TNS1: variants seen among roughly 807,000 people sequenced by gnomAD.
TNS1 encodes tensin-1.
In TNS1, 62 loss-of-function variants were observed where a neutral mutation model predicts 168.6. The observed-to-expected ratio is 0.37, with a 90% CI of 0.30 to 0.45. TNS1 has a LOEUF of 0.45. Ranked by LOEUF, TNS1 falls within the 20% of genes least tolerant of loss-of-function variation. The pLI is 1.00. For synonymous variants in TNS1, 934 were observed against 933.2 expected (o/e 1.00, Z -0.02); for missense variants, 2,240 against 2,339.4 (o/e 0.96, Z 0.88).
chr2:217,883,153 T>C (rs1950845247), intron 16 of TNS1, among the ~76,000 whole-genome samples: 1 of 152,202 alleles, frequency 6.6e-6, no homozygotes, highest in African/African-American at 2.4e-5. Context: ...AATAATTTGG[T>C]TCACTTATAC....
At chr2:217,984,554 C>T (rs1046567898) in intron 2 of TNS1, among the ~76,000 whole-genome samples, 2 of 152,194 alleles carry the variant, frequency 1.3e-5, no homozygotes, top group Admixed American at 6.5e-5. Context: ...GTCGTGTGCT[C>T]ATAGCTCACT....
In TNS1 at chr2:218,033,574, G is replaced by A. The variant is rs1209944680; in HGVS notation, c.156+246C>T. ...ACCCAACCTATTTGCCCTTCTAGGG[G>A]TCAGGTCCTATATCACCCTCCTCCC... On this transcript the variant is annotated intron_variant, in intron 1 of 1. Coordinates refer to the TNS1 transcript ENST00000649572. This position sits in a 1 kb window ranked among gnomAD's most constrained non-coding sequence, Gnocchi z 4.3. Among the ~76,000 whole-genome samples the A allele has an allele frequency of 6.6e-6, 1 of 152,102 alleles. No individual in the cohort carries two copies. The highest frequency in any genetic ancestry group is 1.5e-5 in the Non-Finnish European group (1 of 68,020).
Position 217,813,401 on chromosome 2 carries a change from G to T in TNS1, c.4862-94C>A. On this transcript the variant is annotated intron_variant, in intron 26 of 32. Coordinates refer to ENST00000682258, the MANE Select transcript of TNS1 (RefSeq NM_001387777.1). This position sits in a 1 kb window ranked among gnomAD's most constrained non-coding sequence, Gnocchi z 4.0. ...GCTTCAAAACTTCCGCAGTGTGCGG[G>T]GCCAAGATGGGAGAAATGACTGAAG... is the stretch of plus-strand genomic sequence containing the variant. 9.0e-7 allele frequency: 1 copy of T among 1,108,782 alleles called. No homozygotes were observed. The highest frequency in any genetic ancestry group is 1.3e-6 in the Non-Finnish European group (1 of 749,280). The allele number at this position is 1,108,782 out of a possible 1,614,324, so 68.7% of individuals were successfully genotyped here.
chr2:218,002,155 A>G (rs763858462), intron 1 of TNS1, among the ~76,000 whole-genome samples: 23 of 152,052 alleles, frequency 1.5e-4, no homozygotes, highest in Non-Finnish European at 2.5e-4. Flanking sequence ...CGTGGCCCCC[A>G]GGCCTCTCTG....
chr2:217,883,512 G>A (rs1226891880), intron 16 of TNS1, among the ~76,000 whole-genome samples: 5 of 151,984 alleles, frequency 3.3e-5, no homozygotes, highest in East Asian at 1.9e-4. Flanking sequence ...CAATCCTCCC[G>A]CCTTGGCCTC....
At chr2:217,901,251 C>T (rs2125760395) in intron 6 of TNS1, among the ~76,000 whole-genome samples, 1 of 152,320 alleles carries the variant, frequency 6.6e-6, no homozygotes, top group Middle Eastern at 3.4e-3. Context: ...TTCCAGGATC[C>T]TGCTGGGCAG....
chr2:218,002,624 G>A (rs1479452740), intron 1 of TNS1, among the ~76,000 whole-genome samples: 4 of 151,976 alleles, frequency 2.6e-5, no homozygotes, highest in Admixed American at 2.0e-4. Context: ...ACTGACCCGG[G>A]ACCCTGGGCC....
At chr2:218,014,870 C>CAGAAGGAA (rs1458763933), upstream of TNS1, among the ~76,000 whole-genome samples, 1 of 98,056 alleles carries the variant, frequency 1.0e-5, no homozygotes, top group Non-Finnish European at 2.2e-5. Context: ...GAAGGAAGGA[C>CAGAAGGAA]GGAAGGAAGG....
At chr2:217,911,551 A>G (rs1250664048) in intron 4 of TNS1, among the ~76,000 whole-genome samples, 1 of 152,156 alleles carries the variant, frequency 6.6e-6, no homozygotes, top group Non-Finnish European at 1.5e-5. Flanking sequence ...AAGAATTACA[A>G]CTATTCATTT....
rs537577223 is a variant in TNS1 at position 217,851,881 on chromosome 2, TG to T, written c.1430-2795del. Among the ~76,000 whole-genome samples the T allele has an allele frequency of 3.9e-5, 6 of 152,310 alleles. No individual in the cohort carries two copies. The South Asian group carries it at 1.2e-3, about 32-fold the overall frequency. ...GACCTCAGCCTGGCATGGTGACTCATGCCTGTAATCCCAGCACTCTGGGAGG... is the reference window on the plus strand; with the variant it reads ...GACCTCAGCCTGGCATGGTGACTCATCCTGTAATCCCAGCACTCTGGGAGG... On this transcript the variant is annotated intron_variant, in intron 18 of 32. Transcript: ENST00000682258.
chr2:217,832,261 C>A (rs1944547617), intron 21 of TNS1, among the ~76,000 whole-genome samples: 3 of 152,246 alleles, frequency 2.0e-5, no homozygotes, highest in East Asian at 3.9e-4. Context: ...CTATGCGAAG[C>A]CTGGGCTCCT....
At chr2:217,867,704 C>T (rs991216987) in intron 18 of TNS1, among the ~76,000 whole-genome samples, 3 of 152,260 alleles carry the variant, frequency 2.0e-5, no homozygotes, top group Admixed American at 2.0e-4. Context: ...GCTTCCCAAA[C>T]ATCTCAGGTG....
chr2:217,961,218 GTCTC>G (rs1209780540), intron 3 of TNS1, among the ~76,000 whole-genome samples: 1 of 144,060 alleles, frequency 6.9e-6, no homozygotes, highest in Non-Finnish European at 1.5e-5. Context: ...ATCTCAGGGT[GTCTC>G]TCTCTCTCTC....
In TNS1 at chr2:217,817,705, TGGA is replaced by T; in HGVS notation, c.4624_4626del (p.Ser1542del). The T allele has an allele frequency of 6.3e-7, 1 of 1,597,648 alleles. No homozygotes were observed. Among genetic ancestry groups the T allele is most frequent in the Non-Finnish European group, 8.6e-7 (1 of 1,168,314 alleles). The stretch of plus-strand genomic sequence containing the variant: ...AGAGGCCCACCTGGCATGGAGTACT[TGGA>T]GAAGTCGGGCAGAGTGTGGGAGAAG... On this transcript the variant is annotated inframe_deletion, in exon 24 of 33. Coordinates refer to ENST00000682258, the MANE Select transcript of TNS1 (RefSeq NM_001387777.1).
At chr2:217,856,338 C>A (rs1003439776) in intron 18 of TNS1, among the ~76,000 whole-genome samples, 1 of 152,166 alleles carries the variant, frequency 6.6e-6, no homozygotes, top group Non-Finnish European at 1.5e-5. Context: ...TCCAGGAAGA[C>A]CCCGACCTCC....
chr2:217,805,519 C>CCGCATACAT (rs1938548193), intron 32 of TNS1, among the ~76,000 whole-genome samples: 1 of 3,974 alleles, frequency 2.5e-4, no homozygotes, highest in African/African-American at 6.0e-4. Context: ...ACACACACCA[C>CCGCATACAT]ACACACCACA....
intron 23 of TNS1, among the ~76,000 whole-genome samples, chr2:217,821,043 C>T (rs1009373725): frequency 1.3e-5 from 2 of 152,214 alleles, no homozygotes; most frequent in Non-Finnish European, 2.9e-5. Context: ...ACTTCCTCTA[C>T]ACCCTTCACA....
At chr2:217,896,523 G>A (rs867129553) in intron 8 of TNS1, among the ~76,000 whole-genome samples, 11 of 152,270 alleles carry the variant, frequency 7.2e-5, no homozygotes, top group Admixed American at 2.0e-4. Flanking sequence ...GAATCCCACC[G>A]CAAGCTAGGA....
At chr2:217,911,985 C>T (rs908699354) in intron 4 of TNS1, among the ~76,000 whole-genome samples, 3 of 152,220 alleles carry the variant, frequency 2.0e-5, no homozygotes, top group Non-Finnish European at 4.4e-5. Flanking sequence ...TTCCTGAATT[C>T]GAGGGGTCGG....
Sources: allele counts gnomAD v4.1 joint callset (sites outside exome capture counted in the v4.1 genomes callset), GRCh38; gene constraint gnomAD v4.1.1; non-coding constraint Gnocchi (gnomAD v3.1); transcripts MANE v1.5; gene names NCBI Gene and HGNC (gene_info 2026-07-23, HGNC 2026-07-21).